RUNX1T1: variants seen among roughly 807,000 people sequenced by gnomAD.
The protein encoded by RUNX1T1 is protein CBFA2T1.
A neutral mutation model predicts 62.8 loss-of-function variants in RUNX1T1; 4 were observed. The ratio of observed to expected loss-of-function variants is 0.06; its 90% confidence interval spans 0.03 to 0.15. The LOEUF (loss-of-function observed/expected upper bound fraction) is 0.15, where lower values mean the gene tolerates loss of function less well. Among genes scored for constraint, RUNX1T1 ranks in the 10% least tolerant of loss-of-function variants. The pLI is 1.00. For missense variants in RUNX1T1, 508 were observed against 754.3 expected (o/e 0.67, Z 3.82); for synonymous variants, 291 against 286.0 (o/e 1.02, Z -0.18).
chr8:91,959,794 C>CTTT, exon 11 of RUNX1T1: 1 of 217,118 alleles, frequency 4.6e-6, no homozygotes, highest in Non-Finnish European at 9.2e-6. Context: ...GGGTTTTCCT[C>CTTT]TTTTTTTTTT....
intron 10 of RUNX1T1, among the ~76,000 whole-genome samples, chr8:91,965,978 A>G (rs976735131): frequency 3.9e-5 from 6 of 152,002 alleles, no homozygotes; most frequent in African/African-American, 7.2e-5. Context: ...GGCAGATCAC[A>G]GAAACGTTAT....
At chr8:92,006,315 T>A (rs1178703233) in intron 4 of RUNX1T1, 1 of 152,166 alleles carries the variant, frequency 6.6e-6, no homozygotes, top group Non-Finnish European at 1.5e-5. Flanking sequence ...AAGGAGAAGA[T>A]ACTGGGAAGA....
intron 1 of RUNX1T1, among the ~76,000 whole-genome samples, chr8:92,089,926 A>T (rs895157936): frequency 5.2e-3 from 89 of 17,016 alleles, no homozygotes; most frequent in Middle Eastern, 0.024. Context: ...CCCTGAATTT[A>T]AAAAAAAAAA....
chr8:92,049,127 G>A (rs1301268549), intron 1 of RUNX1T1, among the ~76,000 whole-genome samples: 1 of 152,030 alleles, frequency 6.6e-6, no homozygotes, highest in Non-Finnish European at 1.5e-5. Context: ...CTGTATTTGC[G>A]GCATCCTGCA....
intron 1 of RUNX1T1, among the ~76,000 whole-genome samples, chr8:92,058,050 T>C (rs1167493849): frequency 6.6e-6 from 1 of 152,078 alleles, no homozygotes; most frequent in Non-Finnish European, 1.5e-5. Context: ...CCATTGTGCA[T>C]CCTTCCCCTA....
exon 1 of RUNX1T1, chr8:92,099,611 C>G (rs1235395570): frequency 2.0e-6 from 2 of 985,222 alleles, no homozygotes; most frequent in African/African-American, 3.5e-5. Flanking sequence ...GCAACTGACT[C>G]CGTTTTTTTC....
intron 8 of RUNX1T1, 144 bp from the exon 10 acceptor site, chr8:91,976,117 TC>T (rs1442659878): frequency 3.5e-5 from 21 of 592,806 alleles, no homozygotes; most frequent in Middle Eastern, 9.1e-4. Context: ...ACATTTCACT[TC>T]TTGAAAACAC....
At chr8:91,978,679 T>G (rs554992814) in intron 8 of RUNX1T1, among the ~76,000 whole-genome samples, 1 of 152,340 alleles carries the variant, frequency 6.6e-6, no homozygotes, top group South Asian at 2.1e-4. Context: ...TCAAATTTCT[T>G]AGATGACACT....
At chr8:92,097,619 TA>T (rs949672440) in intron 1 of RUNX1T1, among the ~76,000 whole-genome samples, 4 of 152,200 alleles carry the variant, frequency 2.6e-5, no homozygotes, top group East Asian at 3.9e-4. Flanking sequence ...GCTATTTTTT[TA>T]AAAAAAATTG....
At chr8:92,029,489 C>T (rs1465264018) in intron 1 of RUNX1T1, among the ~76,000 whole-genome samples, 6 of 152,054 alleles carry the variant, frequency 3.9e-5, no homozygotes, top group Non-Finnish European at 5.9e-5. Flanking sequence ...AAGTAGGAAC[C>T]GAGAGGTGCA....
At chr8:92,024,515 A>AT (rs1167251240) in intron 1 of RUNX1T1, among the ~76,000 whole-genome samples, 3 of 149,762 alleles carry the variant, frequency 2.0e-5, no homozygotes, top group African/African-American at 7.4e-5. Flanking sequence ...AAAAAAAAAA[A>AT]AAAAAAAAGC....
At chr8:92,003,162 CTT>C (rs749936034) in intron 5 of RUNX1T1, 7 of 234,212 alleles carry the variant, frequency 3.0e-5, no homozygotes, top group Non-Finnish European at 5.4e-5. Flanking sequence ...ACCAAAGACT[CTT>C]TTTAGGAGAG....
intron 1 of RUNX1T1, among the ~76,000 whole-genome samples, chr8:92,082,132 G>A (rs892936111): frequency 5.9e-5 from 9 of 152,098 alleles, no homozygotes; most frequent in African/African-American, 1.9e-4. Context: ...TGATCCGCCC[G>A]CCTCAGCCTC....
At chr8:92,061,531 T>C (rs961834960) in intron 1 of RUNX1T1, among the ~76,000 whole-genome samples, 1 of 152,208 alleles carries the variant, frequency 6.6e-6, no homozygotes, top group Non-Finnish European at 1.5e-5. Context: ...CTGCCACAAA[T>C]GCATCCTTTC....
At chr8:91,958,914 C>T (rs1809792696), downstream of RUNX1T1, 1 of 189,584 alleles carries the variant, frequency 5.3e-6, no homozygotes, top group South Asian at 2.0e-4. Flanking sequence ...AGCTTTTCTT[C>T]TTTTCTTTTC....
intron 1 of RUNX1T1, among the ~76,000 whole-genome samples, chr8:92,059,423 C>T (rs1831551212): frequency 6.6e-6 from 1 of 152,162 alleles, no homozygotes; most frequent in South Asian, 2.1e-4. Flanking sequence ...CAAATCATCG[C>T]TTGCAAGCAT....
intron 1 of RUNX1T1, among the ~76,000 whole-genome samples, chr8:92,034,834 A>C (rs956356463): frequency 2.0e-5 from 3 of 149,876 alleles, no homozygotes; most frequent in East Asian, 2.0e-4. Context: ...ACACACACAC[A>C]CACCATGGAA....
At chr8:92,041,256 G>C (rs528179008) in intron 1 of RUNX1T1, among the ~76,000 whole-genome samples, 73 of 152,266 alleles carry the variant, frequency 4.8e-4, no homozygotes, top group Admixed American at 2.6e-3. Context: ...CACGGCCCAT[G>C]CTCCGGGTTT....
chr8:92,014,924 G>A, intron 2 of RUNX1T1, 104 bp from the exon 4 acceptor site: 1 of 1,171,866 alleles, frequency 8.5e-7, no homozygotes, highest in South Asian at 1.6e-5. Context: ...AGTTTTATAA[G>A]TTTTTAAATG....
Sources: gnomAD v4.1 joint callset for allele counts (sites outside exome capture counted in the v4.1 genomes callset) on GRCh38, gnomAD v4.1.1 for gene constraint, MANE v1.5 for transcripts, NCBI Gene and HGNC (gene_info 2026-07-23, HGNC 2026-07-21) for gene names.